RAB10: variants seen among roughly 807,000 people sequenced by gnomAD.
RAB10 encodes ras-related protein Rab-10.
Under a neutral mutation model 25.7 loss-of-function variants are expected in RAB10, and 5 were observed. The observed-to-expected ratio is 0.19, with a 90% CI of 0.10 to 0.41. The LOEUF is 0.41. Ranked by LOEUF, RAB10 falls within the 10% of genes least tolerant of loss-of-function variation. The pLI is 1.00. For missense variants in RAB10, 103 were observed against 245.8 expected (o/e 0.42, Z 3.89); for synonymous variants, 89 against 86.4 (o/e 1.03, Z -0.16).
intron 5 of RAB10, among the ~76,000 whole-genome samples, chr2:26,132,769 C>CT (rs1482265002): frequency 7.0e-6 from 1 of 141,848 alleles, no homozygotes; most frequent in Non-Finnish European, 1.5e-5. Context: ...ATACCCCCCC[C>CT]CCTTTTTTTT....
chr2:26,045,238 CTTTTTT>C (rs202201784), intron 1 of RAB10, among the ~76,000 whole-genome samples: 94,853 of 146,400 alleles, frequency 0.65, 30,775 homozygotes, highest in East Asian at 0.86. Context: ...TCTCTTTCAA[CTTTTTT>C]TTTTTTTTTT....
At chr2:26,070,002 T>A (rs969929409) in intron 1 of RAB10, among the ~76,000 whole-genome samples, 5 of 152,314 alleles carry the variant, frequency 3.3e-5, no homozygotes, top group Admixed American at 3.3e-4. Flanking sequence ...CCATCGCACC[T>A]GGCCTCCGAT....
chr2:26,089,708 T>C (rs1667064422), intron 1 of RAB10, among the ~76,000 whole-genome samples: 1 of 152,148 alleles, frequency 6.6e-6, no homozygotes, highest in Non-Finnish European at 1.5e-5. Flanking sequence ...TTCTAAACTT[T>C]AAAAAAACCT....
intron 3 of RAB10, among the ~76,000 whole-genome samples, chr2:26,122,889 C>T (rs56414426): frequency 0.015 from 2,276 of 151,988 alleles, 30 homozygotes; most frequent in Non-Finnish European, 0.025. Context: ...GTGTCCTATT[C>T]TCGGGGTGGC....
chr2:26,089,223 A>C (rs1667052736), intron 1 of RAB10, among the ~76,000 whole-genome samples: 1 of 151,762 alleles, frequency 6.6e-6, no homozygotes, highest in African/African-American at 2.4e-5. Context: ...TCAGGAGTTC[A>C]AGACCAGCCT....
At chr2:26,040,976 C>T (rs1372977036) in intron 1 of RAB10, among the ~76,000 whole-genome samples, 1 of 151,502 alleles carries the variant, frequency 6.6e-6, no homozygotes, top group East Asian at 1.9e-4. Flanking sequence ...TACACTCAAC[C>T]AATCTCAAAA....
At chr2:26,067,366 G>A (rs748619911) in intron 1 of RAB10, among the ~76,000 whole-genome samples, 1 of 152,176 alleles carries the variant, frequency 6.6e-6, no homozygotes. Context: ...GGTCATTGTA[G>A]CAAAAGGGGT....
chr2:26,107,688 T>C (rs1667493568), intron 2 of RAB10, among the ~76,000 whole-genome samples: 1 of 151,106 alleles, frequency 6.6e-6, no homozygotes. Flanking sequence ...CCCAGCTACT[T>C]GGGAGGCTGA....
chr2:26,059,091 G>A lies in RAB10; in HGVS notation c.127+24356G>A, dbSNP rs1219933879. On this transcript the variant is annotated intron_variant, in intron 1 of 5. Transcript: ENST00000264710. ...ATCATAGACCACATTTAACAGTTCTGTATCTTAAATACAGTTCCTTGTATA... is the reference window on the plus strand; with the variant it reads ...ATCATAGACCACATTTAACAGTTCTATATCTTAAATACAGTTCCTTGTATA... 3.3e-5 allele frequency among the ~76,000 whole-genome samples: 5 copies of A among 152,090 alleles called. No homozygotes were observed. The East Asian group carries it at 9.6e-4, about 29-fold the overall frequency.
At chr2:26,061,095 T>G (rs1209942241) in intron 1 of RAB10, among the ~76,000 whole-genome samples, 3 of 123,520 alleles carry the variant, frequency 2.4e-5, no homozygotes, top group Admixed American at 1.6e-4. Flanking sequence ...TCTCTGTCTT[T>G]TTTTTTTTTT....
intron 1 of RAB10, among the ~76,000 whole-genome samples, chr2:26,078,004 G>A (rs560262866): frequency 1.3e-5 from 2 of 152,004 alleles, no homozygotes; most frequent in South Asian, 4.2e-4. Flanking sequence ...AAAAGGTAAA[G>A]GTCTGTAGAT....
At chr2:26,069,155 A>T (rs1431364429) in intron 1 of RAB10, among the ~76,000 whole-genome samples, 1 of 152,198 alleles carries the variant, frequency 6.6e-6, no homozygotes, top group Non-Finnish European at 1.5e-5. Flanking sequence ...GGCTTTGGTA[A>T]GGTGGTTTTC....
At chr2:26,118,129 C>T (rs757132898) in intron 3 of RAB10, among the ~76,000 whole-genome samples, 5 of 152,114 alleles carry the variant, frequency 3.3e-5, no homozygotes, top group South Asian at 2.1e-4. Context: ...TGTGCCACCA[C>T]GCCTGGCTAA....
Position 26,093,423 on chromosome 2 carries a change from C to A in RAB10, c.128-5239C>A, listed in dbSNP as rs115652435. 3.0e-3 allele frequency among the ~76,000 whole-genome samples: 449 copies of A among 152,144 alleles called. 3 individuals are homozygous for A. The highest frequency in any genetic ancestry group is 0.01 in the African/African-American group (434 of 41,546). On this transcript the variant is annotated intron_variant, in intron 1 of 5. Transcript: ENST00000264710. Reference sequence around the variant, plus strand: ...GGATCAAACCAATATTCTTTAGAAACACATAACAGGTTTTAATTATCTCAT... The same window carrying A: ...GGATCAAACCAATATTCTTTAGAAAAACATAACAGGTTTTAATTATCTCAT...
intron 1 of RAB10, among the ~76,000 whole-genome samples, chr2:26,065,182 A>G (rs1666489313): frequency 6.6e-6 from 1 of 152,134 alleles, no homozygotes; most frequent in East Asian, 1.9e-4. Flanking sequence ...ACCAAACAGC[A>G]GTGCTTGTTA....
Position 26,034,504 on chromosome 2 carries a change from T to C in RAB10, c.-105T>C, listed in dbSNP as rs1665719557. 1 of 1,491,668 alleles carries C rather than the reference T, an allele frequency of 6.7e-7. No individual in the cohort carries two copies. The allele number at this position is 1,491,668 out of a possible 1,614,324, so 92.4% of individuals were successfully genotyped here. On this transcript the variant is annotated 5_prime_UTR_variant, in exon 1 of 6. Transcript: ENST00000264710. ...CCGTCTCGAGCCTTTTTCCCACGCT[T>C]CCCCGGTCCTCCGGCCTGAGAACGC...
intron 2 of RAB10, among the ~76,000 whole-genome samples, chr2:26,099,522 GT>G (rs1329482531): frequency 9.6e-6 from 1 of 103,668 alleles, no homozygotes; most frequent in Admixed American, 1.1e-4. Context: ...TCTGTTTTTT[GT>G]TTTTTTGGGT....
At chr2:26,046,557 C>T (rs1666007248) in intron 1 of RAB10, among the ~76,000 whole-genome samples, 1 of 151,768 alleles carries the variant, frequency 6.6e-6, no homozygotes. Flanking sequence ...TGCTACATTT[C>T]TTTTTTTTAT....
Position 26,066,082 on chromosome 2 carries a change from ACTTTCAAAAG to A in RAB10, c.127+31352_127+31361del, listed in dbSNP as rs139104583. On this transcript the variant is annotated intron_variant, in intron 1 of 5. Coordinates refer to ENST00000264710, the MANE Select transcript of RAB10 (RefSeq NM_016131.5). ...AGATGTTTTACTTTGAACAGAGTTAACTTTCAAAAGCTTTATTTTGATTCCATGAATTGGA... is the reference window on the plus strand; with the variant it reads ...AGATGTTTTACTTTGAACAGAGTTAACTTTATTTTGATTCCATGAATTGGA... Among the ~76,000 whole-genome samples, 634 of 152,350 alleles carry A rather than the reference ACTTTCAAAAG, an allele frequency of 4.2e-3. 2 individuals carry two copies. The highest frequency in any genetic ancestry group is 0.015 in the African/African-American group (612 of 41,588).
Sources: gnomAD v4.1 joint callset for allele counts (sites outside exome capture counted in the v4.1 genomes callset) on GRCh38, gnomAD v4.1.1 for gene constraint, MANE v1.5 for transcripts, NCBI Gene and HGNC (gene_info 2026-07-23, HGNC 2026-07-21) for gene names.